KATNA1: variants seen among roughly 807,000 people sequenced by gnomAD.
KATNA1 encodes the protein katanin catalytic subunit A1, also known as katanin p60 ATPase-containing subunit A1.
A neutral mutation model predicts 62.6 loss-of-function variants in KATNA1; 42 were observed. The ratio of observed to expected loss-of-function variants is 0.67; its 90% CI spans 0.52 to 0.87. The LOEUF is 0.87. Among genes scored for constraint, KATNA1 ranks in the 40% least tolerant of loss-of-function variants. The pLI, the probability that KATNA1 is intolerant of heterozygous loss-of-function variation, is 0.00. For synonymous variants in KATNA1, 186 were observed against 201.9 expected, an observed-to-expected ratio of 0.92 and a Z score of 0.67; for missense variants, 498 against 612.5, an observed-to-expected ratio of 0.81 and a Z score of 1.97.
chr6:149,632,690 C>A, intron 3 of KATNA1, 69 bp downstream of exon 3: 1 of 1,323,576 alleles, frequency 7.6e-7, no homozygotes, highest in Non-Finnish European at 1.0e-6. Context: ...CCACCCCATC[C>A]TCCTCCTAAA....
intron 4 of KATNA1, among the ~76,000 whole-genome samples, chr6:149,619,307 G>A (rs1292309852): frequency 1.3e-5 from 2 of 152,088 alleles, no homozygotes; most frequent in Non-Finnish European, 2.9e-5. Context: ...TAATTAGGAT[G>A]GGTGTAAGCA....
chr6:149,622,015 G>A (rs1779416618), intron 4 of KATNA1, among the ~76,000 whole-genome samples: 1 of 152,072 alleles, frequency 6.6e-6, no homozygotes. Flanking sequence ...CAGAAGGGGG[G>A]AAATCTCTAT....
intron 3 of KATNA1, among the ~76,000 whole-genome samples, chr6:149,630,501 T>A (rs929293435): frequency 6.6e-6 from 1 of 152,128 alleles, no homozygotes; most frequent in African/African-American, 2.4e-5. Context: ...TGGTGGCACG[T>A]GCCTGTAATT....
intron 3 of KATNA1, among the ~76,000 whole-genome samples, chr6:149,623,534 C>T (rs2114578025): frequency 6.6e-6 from 1 of 152,114 alleles, no homozygotes; most frequent in East Asian, 1.9e-4. Flanking sequence ...GTCAGGAGTT[C>T]AAGACCAGCC....
chr6:149,627,999 T>C (rs1371673604), intron 3 of KATNA1, among the ~76,000 whole-genome samples: 1 of 151,944 alleles, frequency 6.6e-6, no homozygotes, highest in Non-Finnish European at 1.5e-5. Context: ...GATGGGAAGA[T>C]ATTTGAGGGA....
At chr6:149,596,665 C>G (rs1440826747) in intron 10 of KATNA1, among the ~76,000 whole-genome samples, 1 of 152,138 alleles carries the variant, frequency 6.6e-6, no homozygotes, top group Non-Finnish European at 1.5e-5. Flanking sequence ...CCTCAAACTC[C>G]TGGGCTCAAG....
At chr6:149,632,525 C>G (rs1779890190) in intron 3 of KATNA1, among the ~76,000 whole-genome samples, 1 of 152,164 alleles carries the variant, frequency 6.6e-6, no homozygotes, top group Non-Finnish European at 1.5e-5. Context: ...CTGTCTCTAC[C>G]ACTGTAAGGT....
At chr6:149,601,789 C>T (rs1170018259) in intron 6 of KATNA1, 37 bp from the exon 7 acceptor site, 3 of 1,470,848 alleles carry the variant, frequency 2.0e-6, no homozygotes, top group East Asian at 2.5e-5. Context: ...GAGGATTTAT[C>T]TGCCATTGTT....
intron 3 of KATNA1, 69 bp downstream of exon 3, chr6:149,632,687 ATCC>A: frequency 3.8e-6 from 5 of 1,299,778 alleles, no homozygotes; most frequent in Non-Finnish European, 4.2e-6. Flanking sequence ...CAGCCACCCC[ATCC>A]TCCTCCTAAA....
intron 9 of KATNA1, 88 bp from the exon 10 acceptor site, chr6:149,597,277 T>C: frequency 1.4e-6 from 2 of 1,409,514 alleles, no homozygotes; most frequent in Non-Finnish European, 1.9e-6. Context: ...TGAGATGTTG[T>C]CTTCCAGTAA....
intron 4 of KATNA1, among the ~76,000 whole-genome samples, chr6:149,608,523 GC>G (rs1378382518): frequency 4.6e-5 from 7 of 152,142 alleles, no homozygotes; most frequent in Admixed American, 3.3e-4. Context: ...AAGACTTGTG[GC>G]CCCGGCCCCA....
At chr6:149,612,788 A>C (rs1779009054) in intron 4 of KATNA1, among the ~76,000 whole-genome samples, 1 of 152,170 alleles carries the variant, frequency 6.6e-6, no homozygotes, top group Non-Finnish European at 1.5e-5. Flanking sequence ...CCAGGGACAT[A>C]AGACTAGTTC....
chr6:149,610,882 T>C (rs1389286831), intron 4 of KATNA1, among the ~76,000 whole-genome samples: 1 of 152,098 alleles, frequency 6.6e-6, no homozygotes, highest in African/African-American at 2.4e-5. Flanking sequence ...GTCAGGAATT[T>C]GAGACCAGCT....
chr6:149,628,539 C>T (rs1004570226), intron 3 of KATNA1, among the ~76,000 whole-genome samples: 2 of 151,832 alleles, frequency 1.3e-5, no homozygotes, highest in African/African-American at 2.4e-5. Flanking sequence ...GAATGACTCT[C>T]GGCCGGGAGC....
intron 9 of KATNA1, 40 bp from the exon 10 acceptor site, chr6:149,597,229 A>G: frequency 6.2e-7 from 1 of 1,601,190 alleles, no homozygotes; most frequent in South Asian, 1.1e-5. Flanking sequence ...AGCCTGCAGC[A>G]TAAACATAGT....
chr6:149,600,631 A>T (rs1336392991), intron 7 of KATNA1, among the ~76,000 whole-genome samples: 1 of 151,614 alleles, frequency 6.6e-6, no homozygotes, highest in Admixed American at 6.6e-5. Flanking sequence ...AGACCCTGTC[A>T]AAAAAAATAG....
At position 149,616,377 on chromosome 6, in the gene KATNA1, C is replaced by A. The variant is rs140193945; in HGVS notation, c.501+6726G>T. ...ATCAAAGAAACCCGAAAATAACAAG[C>A]ATTGATGAGGATGTAGAGAAACTGT... On this transcript the variant is annotated intron_variant, in intron 4 of 10. Transcript: ENST00000367411. 5.9e-3 allele frequency among the ~76,000 whole-genome samples: 899 copies of A among 152,254 alleles called. 9 individuals carry two copies. Among genetic ancestry groups the A allele is most frequent in the African/African-American group, 0.021 (862 of 41,534 alleles).
intron 4 of KATNA1, among the ~76,000 whole-genome samples, chr6:149,606,763 C>A (rs945398752): frequency 1.6e-4 from 25 of 152,088 alleles, no homozygotes; most frequent in Non-Finnish European, 3.1e-4. Context: ...GGATTACAGA[C>A]ATGTACCACC....
At chr6:149,622,928 G>A (rs1464952720) in intron 4 of KATNA1, among the ~76,000 whole-genome samples, 175 bp downstream of exon 4, 1 of 152,022 alleles carries the variant, frequency 6.6e-6, no homozygotes, top group Non-Finnish European at 1.5e-5. Flanking sequence ...AGAATTGCTT[G>A]AACCCAGGAG....
Sources: gnomAD v4.1 joint callset for allele counts (sites outside exome capture counted in the v4.1 genomes callset) on GRCh38, gnomAD v4.1.1 for gene constraint, MANE v1.5 for transcripts, NCBI Gene and HGNC (gene_info 2026-07-23, HGNC 2026-07-21) for gene names.